Variants in EXOSC9 observed in about 807,000 individuals in gnomAD.
EXOSC9 encodes exosome complex component RRP45.
A neutral mutation model predicts 56.5 loss-of-function variants in EXOSC9; 38 were observed. The observed-to-expected ratio is 0.67, with a 90% CI of 0.52 to 0.88. The LOEUF (loss-of-function observed/expected upper bound fraction) is 0.88. Ranked by LOEUF, EXOSC9 falls within the 40% of genes least tolerant of loss-of-function variation. EXOSC9 has a pLI of 0.00. For synonymous variants in EXOSC9, 170 were observed against 170.8 expected (o/e 0.99, Z 0.04); for missense variants, 559 against 530.5 (o/e 1.05, Z -0.53).
At chr4:121,802,534 C>A in intron 2 of EXOSC9, 140 bp from the exon 3 acceptor site, 1 of 716,102 alleles carries the variant, frequency 1.4e-6, no homozygotes, top group Non-Finnish European at 2.3e-6. Flanking sequence ...TTATACTTTA[C>A]ATATAATTTT....
chr4:121,811,498 TA>T, intron 7 of EXOSC9, 84 bp from the exon 8 acceptor site: 2 of 682,368 alleles, frequency 2.9e-6, no homozygotes, highest in Admixed American at 6.9e-5. Flanking sequence ...ATTATAAAGG[TA>T]GAAAAATTTC....
rs1278715854 is a variant in EXOSC9, at chr4:121,814,009, T to C, written c.1118T>C (p.Met373Thr). 1 of 1,613,786 alleles carries C rather than the reference T, an allele frequency of 6.2e-7. No individual in the cohort carries two copies. ...DQAIILDGIK[M>T]DTGVEVSDIG... The stretch of plus-strand genomic sequence containing the variant: ...GCTATCATTCTTGATGGTATAAAAA[T>C]GGACACTGGAGTAGAAGTCTCTGAT... The change falls in exon 10 of 12, where the codon ATG (methionine) becomes ACG (threonine). Residue 373 changes from methionine (M) to threonine (T), a missense_variant. Met to Thr is a moderately conservative substitution (Grantham distance 81). Coordinates refer to ENST00000243498, the MANE Select transcript of EXOSC9 (RefSeq NM_005033.3).
chr4:121,804,709 T>C lies in EXOSC9; in HGVS notation c.472T>C (p.Cys158Arg). ...CAGCATTGCTGCAATCGTGGCCTTA[T>C]GTCATTTCCGAAGACCTGATGTCTC... ...AASIAAIVAL[C>R]HFRRPDVSVQ... The change falls in exon 5 of 12, where the codon TGT becomes CGT. Residue 158 changes from cysteine to arginine, a missense_variant. By Grantham distance (180) the Cys-to-Arg change is radical (BLOSUM62 -3). Transcript: ENST00000243498. The C allele has an allele frequency of 1.2e-6, 2 of 1,613,376 alleles. No homozygotes were observed. The highest frequency in any genetic ancestry group is 1.3e-5 in the African/African-American group (1 of 75,056).
At position 121,803,013 on chromosome 4, in the gene EXOSC9, A is replaced by G. The variant is rs1489221874; in HGVS notation, c.380A>G (p.Glu127Gly). Residue 127 changes from glutamate (E) to glycine (G), a missense_variant, in exon 4 of 12, where the codon GAA becomes GGA. By Grantham distance (98) the Glu-to-Gly change is moderately conservative. Transcript: ENST00000243498. ...DTESLCVVAG[E>G]KVWQIRVDLH... ...GAGTCTCTCTGTGTTGTTGCTGGTG[A>G]AAAGGTGGGGAATATGCCCATAATT... 6.2e-7 allele frequency: 1 copy of G among 1,605,606 alleles called. No individual in the cohort carries two copies. The highest frequency in any genetic ancestry group is 1.3e-5 in the African/African-American group (1 of 74,750).
intron 6 of EXOSC9, among the ~76,000 whole-genome samples, chr4:121,808,141 G>C (rs1476788845): frequency 6.6e-6 from 1 of 152,136 alleles, no homozygotes; most frequent in Non-Finnish European, 1.5e-5. Flanking sequence ...AGAAAACTTG[G>C]AGTTTTTCAG....
At position 121,813,309 on chromosome 4, in the gene EXOSC9, C is replaced by T. The variant is rs1724321619; in HGVS notation, c.903C>T (p.Ala301=). The change falls in exon 9 of 12, where the codon GCC becomes GCT. Residue 301 remains alanine, a synonymous_variant. Coordinates refer to ENST00000243498, the MANE Select transcript of EXOSC9 (RefSeq NM_005033.3). The part of the protein sequence containing the change: ...QRITAFKMEK[A]PIDTSDVEEK... ...TCACAGCATTTAAAATGGAAAAGGC[C>T]CCTATTGATACCTCGGATGTAGAAG... The T allele has an allele frequency of 6.2e-7, 1 of 1,613,186 alleles. No individual in the cohort carries two copies. The highest frequency in any genetic ancestry group is 8.5e-7 in the Non-Finnish European group (1 of 1,179,298).
chr4:121,805,500 A>T (rs1238414861), intron 5 of EXOSC9, among the ~76,000 whole-genome samples: 1 of 152,342 alleles, frequency 6.6e-6, no homozygotes, highest in Non-Finnish European at 1.5e-5. Flanking sequence ...CTAAGCAATG[A>T]TTCATAATTT....
Position 121,801,444 on chromosome 4 carries a change from C to T in EXOSC9, c.20C>T (p.Ser7Leu). 1.9e-6 allele frequency: 3 copies of T among 1,614,224 alleles called. No homozygotes were observed. The highest frequency in any genetic ancestry group is 2.5e-6 in the Non-Finnish European group (3 of 1,180,028). MKETPLSNCERRFLLRA... is the reference protein window; with the variant it reads MKETPLLNCERRFLLRA... ...AACACCATGAAGGAAACGCCACTCT[C>T]AAACTGCGAACGCCGCTTCCTACTC... Residue 7 changes from serine to leucine, a missense_variant, in exon 1 of 12, where the codon TCA becomes TTA. Coordinates refer to ENST00000243498, the MANE Select transcript of EXOSC9 (RefSeq NM_005033.3).
At chr4:121,803,179 T>C (rs1376916771) in intron 4 of EXOSC9, among the ~76,000 whole-genome samples, 162 bp downstream of exon 4, 1 of 151,870 alleles carries the variant, frequency 6.6e-6, no homozygotes, top group East Asian at 1.9e-4. Flanking sequence ...TTGTGCTACC[T>C]CTCTCTCTCT....
rs1290729085 is a variant in EXOSC9 at position 121,814,166 on chromosome 4, T to C, written c.1156+119T>C. ...TATATTATCACTGTATATAGTAATA[T>C]ATAGCATATTAGCTATATAGAGATG... On this transcript the variant is annotated intron_variant, in intron 10 of 11. Transcript: ENST00000243498. 4 of 613,522 alleles carry C rather than the reference T, an allele frequency of 6.5e-6. No homozygotes were observed. In the East Asian group the frequency reaches 8.4e-5, roughly 13 times the overall value. The allele number at this position is 613,522 out of a possible 1,614,324, so 38.0% of individuals were successfully genotyped here. A position where few individuals can be genotyped will look rare whatever the true frequency, so the allele number is the denominator to read the frequency against.
chr4:121,814,011 G>T lies in EXOSC9; in HGVS notation c.1120G>T (p.Asp374Tyr). The T allele has an allele frequency of 2.5e-6, 4 of 1,613,740 alleles. No individual in the cohort carries two copies. Among genetic ancestry groups the T allele is most frequent in the Non-Finnish European group, 3.4e-6 (4 of 1,179,810 alleles). ...TATCATTCTTGATGGTATAAAAATG[G>T]ACACTGGAGTAGAAGTCTCTGATAT... is the stretch of plus-strand genomic sequence containing the variant. Reference protein sequence around the residue: ...QAIILDGIKMDTGVEVSDIGS... With the variant: ...QAIILDGIKMYTGVEVSDIGS... Residue 374 changes from aspartate to tyrosine, a missense_variant, in exon 10 of 12, where the codon GAC (aspartate) becomes TAC (tyrosine). Transcript: ENST00000243498.
intron 6 of EXOSC9, 194 bp downstream of exon 6, chr4:121,807,816 T>C (rs565002157): frequency 2.8e-4 from 163 of 591,474 alleles, no homozygotes; most frequent in Non-Finnish European, 3.9e-4. Flanking sequence ...TCTTATACTT[T>C]GATGAAGATA....
In EXOSC9 at chr4:121,810,007, G is replaced by T. The variant is rs751289178; in HGVS notation, c.646G>T (p.Val216Leu). ...LVDPNEREER[V>L]MDGLLVIAMN... Reference sequence around the variant, plus strand: ...GGATCCCAATGAACGAGAAGAACGTGTGATGGATGGCTTGCTGGTGATTGC... The same window carrying T: ...GGATCCCAATGAACGAGAAGAACGTTTGATGGATGGCTTGCTGGTGATTGC... Residue 216 changes from valine (V) to leucine (L), a missense_variant, in exon 7 of 12, where the codon GTG becomes TTG. Coordinates refer to ENST00000243498, the MANE Select transcript of EXOSC9 (RefSeq NM_005033.3). The T allele has an allele frequency of 6.2e-7, 1 of 1,614,086 alleles. No individual in the cohort carries two copies.
intron 10 of EXOSC9, chr4:121,815,695 G>A (rs1724470466): frequency 1.0e-6 from 1 of 985,920 alleles, no homozygotes; most frequent in African/African-American, 1.7e-5. Context: ...AAAAACACCA[G>A]CAATGCCAAA....
chr4:121,807,395 C>T (rs1442152480), intron 5 of EXOSC9, 145 bp from the exon 6 acceptor site: 3 of 482,534 alleles, frequency 6.2e-6, no homozygotes, highest in Non-Finnish European at 1.1e-5. Flanking sequence ...GTGGCAAAAT[C>T]AAACTGGTAA....
Position 121,801,481 on chromosome 4 carries a change from A to T in EXOSC9, c.57A>T (p.Glu19Asp). ...CERRFLLRAIEEKKRLDGRQT... is the reference protein window; with the variant it reads ...CERRFLLRAIDEKKRLDGRQT... ...GCCGCTTCCTACTCCGTGCCATCGA[A>T]GAGAAGAAGGTATGGTTTGGTGCCC... Residue 19 changes from glutamate (E) to aspartate (D), a missense_variant, in exon 1 of 12, where the codon GAA becomes GAT. Physicochemically the swap from Glu to Asp is conservative, Grantham distance 45. Transcript: ENST00000243498. 1 of 1,614,188 alleles carries T rather than the reference A, an allele frequency of 6.2e-7. No individual in the cohort carries two copies. Among genetic ancestry groups the T allele is most frequent in the Non-Finnish European group, 8.5e-7 (1 of 1,180,020 alleles).
chr4:121,816,764 A>T lies in EXOSC9; in HGVS notation c.1236-8A>T. 5 of 1,574,496 alleles carry T rather than the reference A, an allele frequency of 3.2e-6. No homozygotes were observed. Among genetic ancestry groups the T allele is most frequent in the Non-Finnish European group, 4.3e-6 (5 of 1,165,978 alleles). On this transcript the variant is annotated splice_polypyrimidine_tract_variant and splice_region_variant and intron_variant, in intron 11 of 11. Transcript: ENST00000243498. ...TCTTAGTAAATTCTTACTTTGCTTTATTCACAGAACACAGACCACCAGTGC... is the reference window on the plus strand; with the variant it reads ...TCTTAGTAAATTCTTACTTTGCTTTTTTCACAGAACACAGACCACCAGTGC...
At chr4:121,809,117 C>T (rs574318897) in intron 6 of EXOSC9, among the ~76,000 whole-genome samples, 39 of 151,872 alleles carry the variant, frequency 2.6e-4, no homozygotes, top group East Asian at 1.9e-4. Flanking sequence ...TTCCAAGTAG[C>T]TGGGACTATA....
At chr4:121,806,968 A>C (rs1211669738) in intron 5 of EXOSC9, among the ~76,000 whole-genome samples, 4 of 152,198 alleles carry the variant, frequency 2.6e-5, no homozygotes, top group Non-Finnish European at 5.9e-5. Flanking sequence ...ATAACTATAC[A>C]TTTACTAAAA....
Sources: allele counts gnomAD v4.1 joint callset (sites outside exome capture counted in the v4.1 genomes callset), GRCh38; gene constraint gnomAD v4.1.1; transcripts MANE v1.5; gene names NCBI Gene and HGNC (gene_info 2026-07-23, HGNC 2026-07-21).